KDM6A: variants seen among roughly 807,000 people sequenced by gnomAD.
KDM6A encodes lysine-specific demethylase 6A.
A neutral mutation model predicts 117.6 loss-of-function variants in KDM6A; 11 were observed. The ratio of observed to expected loss-of-function variants is 0.09; its 90% CI spans 0.06 to 0.15. The LOEUF (loss-of-function observed/expected upper bound fraction) is 0.15, where lower values mean the gene tolerates loss of function less well. KDM6A is among the 10% of genes least tolerant of loss of function. KDM6A has a pLI of 1.00. For synonymous variants in KDM6A, 384 were observed against 396.1 expected (o/e 0.97, Z 0.36); for missense variants, 799 against 1,077.3 (o/e 0.74, Z 3.62).
In KDM6A at chrX:45,090,193, TA is replaced by T. The variant is rs199753760; in HGVS notation, c.3892+270del. 0.07 allele frequency among the ~76,000 whole-genome samples: 7,809 copies of T among 111,850 alleles called. 370 individuals carry two copies. The highest frequency in any genetic ancestry group is 0.37 in the East Asian group (1,307 of 3,515). ...AATTTTAGAGTGCTTGGTTTTATTT[TA>T]AAAAAACCCTTATGAGAGAAAACAA... On this transcript the variant is annotated intron_variant, in intron 26 of 29. Transcript: ENST00000611820.
At chrX:45,037,222 G>T (rs909632076) in intron 7 of KDM6A, among the ~76,000 whole-genome samples, 7 of 111,806 alleles carry the variant, frequency 6.3e-5, no homozygotes, top group African/African-American at 2.3e-4. Context: ...TTGTACTTTG[G>T]TTTTAATATT....
intron 4 of KDM6A, among the ~76,000 whole-genome samples, chrX:45,009,278 C>G (rs2041648405): frequency 8.9e-6 from 1 of 112,322 alleles, no homozygotes; most frequent in Non-Finnish European, 1.9e-5. Flanking sequence ...ATTCCCAGAA[C>G]TGAGGGTTCC....
At chrX:44,952,652 T>C (rs1234122225) in intron 2 of KDM6A, among the ~76,000 whole-genome samples, 1 of 112,117 alleles carries the variant, frequency 8.9e-6, no homozygotes, top group Non-Finnish European at 1.9e-5. Context: ...GAGTGACAAA[T>C]GTTTAAGTTC....
At chrX:44,937,888 C>T (rs1205212479) in intron 2 of KDM6A, among the ~76,000 whole-genome samples, 1 of 111,998 alleles carries the variant, frequency 8.9e-6, no homozygotes, top group African/African-American at 3.2e-5. Context: ...GAGACAGAGT[C>T]TCACTTTGTT....
At chrX:45,040,574 G>T (rs2043080279) in intron 8 of KDM6A, among the ~76,000 whole-genome samples, 1 of 74,096 alleles carries the variant, frequency 1.3e-5, no homozygotes, top group South Asian at 7.8e-4. Context: ...GGGGCGGCCG[G>T]GCAGAGGCGC....
chrX:44,969,579 G>A (rs762749173), intron 3 of KDM6A, among the ~76,000 whole-genome samples: 1 of 108,436 alleles, frequency 9.2e-6, no homozygotes, highest in Non-Finnish European at 1.9e-5. Context: ...CACCACGCCC[G>A]GCTAATTTTT....
rs775334041 is a variant in KDM6A at position 45,034,585 on chromosome X, AATG to A, written c.565-343_565-341del. On this transcript the variant is annotated intron_variant, in intron 6 of 29. Transcript: ENST00000611820. The stretch of plus-strand genomic sequence containing the variant: ...GACTTCTACTTGGATTTTCAAAAAT[AATG>A]ATATGTTCTCTAAATATTTAAACTG... 4.5e-5 allele frequency among the ~76,000 whole-genome samples: 5 copies of A among 112,068 alleles called. No individual in the cohort carries two copies. The South Asian group carries it at 1.8e-3, about 41-fold the overall frequency.
intron 3 of KDM6A, among the ~76,000 whole-genome samples, chrX:44,968,056 G>C (rs922804888): frequency 2.7e-5 from 3 of 112,350 alleles, no homozygotes; most frequent in African/African-American, 9.7e-5. Context: ...AACAGCTTTG[G>C]AAGGTGGAGG....
At position 44,963,483 on chromosome X, in the gene KDM6A, G is replaced by GTGTGTGTGTGTGTC. The variant is rs1481840859; in HGVS notation, c.334+2094_334+2095insGTGTGTGTGTCTGT. Among the ~76,000 whole-genome samples, 25 of 40,889 alleles carry GTGTGTGTGTGTGTC rather than the reference G, an allele frequency of 6.1e-4. 1 individual carries two copies. In the East Asian group the frequency reaches 6.9e-3, roughly 11 times the overall value. 35.5% of individuals were successfully genotyped at this position (40,889 alleles called of 115,157 possible). On this transcript the variant is annotated intron_variant, in intron 3 of 29. Transcript: ENST00000611820. ...TGTGTGTGTGTGTGTGTGTGTGTGT[G>GTGTGTGTGTGTGTC]TGTCTGTCTGTCTGTCTCTGTCTGT... is the stretch of plus-strand genomic sequence containing the variant.
At chrX:44,915,230 ACTT>A (rs775244297) in intron 2 of KDM6A, among the ~76,000 whole-genome samples, 2 of 112,051 alleles carry the variant, frequency 1.8e-5, no homozygotes, top group Admixed American at 9.5e-5. Flanking sequence ...TTATGTTGCT[ACTT>A]CTTTTTAAAT....
At chrX:44,917,128 C>T (rs1246860399) in intron 2 of KDM6A, among the ~76,000 whole-genome samples, 5 of 108,835 alleles carry the variant, frequency 4.6e-5, no homozygotes, top group Admixed American at 3.0e-4. Context: ...CAGGTTCAAG[C>T]GATTCTCCTG....
intron 17 of KDM6A, among the ~76,000 whole-genome samples, chrX:45,068,294 T>C (rs1434619768): frequency 9.0e-6 from 1 of 111,004 alleles, no homozygotes; most frequent in African/African-American, 3.3e-5. Flanking sequence ...AATGAAAATA[T>C]TCTTCTTAAA....
intron 8 of KDM6A, among the ~76,000 whole-genome samples, chrX:45,040,276 C>T (rs1205553416): frequency 2.0e-5 from 2 of 99,084 alleles, no homozygotes; most frequent in Non-Finnish European, 4.2e-5. Context: ...GGGGTGCTGA[C>T]CCCCCCACCT....
At chrX:44,894,621 ATTT>A (rs574868704) in intron 2 of KDM6A, among the ~76,000 whole-genome samples, 2 of 99,971 alleles carry the variant, frequency 2.0e-5, no homozygotes, top group Admixed American at 1.1e-4. Flanking sequence ...TAATTAATTA[ATTT>A]TTTTTTTTTT....
rs2045474576 is a variant in KDM6A, at chrX:45,082,797, C to T, written c.3440+8C>T. ...CCTATCTGATGACAAAAAGTAAGTC[C>T]TTGTAGTAATATTTCTGTGAACTGA... On this transcript the variant is annotated splice_region_variant and intron_variant, in intron 23 of 29. Coordinates refer to ENST00000611820, the MANE Select transcript of KDM6A (RefSeq NM_001291415.2). 3.6e-6 allele frequency: 4 copies of T among 1,113,618 alleles called. No individual in the cohort carries two copies. In the East Asian group the frequency reaches 1.2e-4, roughly 33 times the overall value. 91.8% of individuals were successfully genotyped at this position (1,113,618 alleles called of 1,213,427 possible).
intron 2 of KDM6A, among the ~76,000 whole-genome samples, chrX:44,952,853 C>T (rs1167995381): frequency 2.7e-5 from 3 of 110,440 alleles, no homozygotes; most frequent in African/African-American, 6.6e-5. Flanking sequence ...CACAGCTCAC[C>T]GCAGCCACCA....
In KDM6A at chrX:44,885,558, G is replaced by T. The variant is rs73488825; in HGVS notation, c.225+11571G>T. Among the ~76,000 whole-genome samples, 817 of 109,377 alleles carry T rather than the reference G, an allele frequency of 7.5e-3. 13 individuals are homozygous for T. The highest frequency in any genetic ancestry group is 0.026 in the African/African-American group (785 of 30,138). The allele number at this position is 109,377 out of a possible 115,157, so 95.0% of individuals were successfully genotyped here. ...AATTGGAACAATACAGAGAAGAGTA[G>T]TATAGCCAAATATTAAAAAAAAAAA... On this transcript the variant is annotated intron_variant, in intron 2 of 29. Transcript: ENST00000611820.
Position 45,061,318 on chromosome X carries a change from C to T in KDM6A, c.1486-6C>T, listed in dbSNP as rs200654919. 10 of 1,095,601 alleles carry T rather than the reference C, an allele frequency of 9.1e-6. No individual in the cohort carries two copies. In the East Asian group the frequency reaches 3.0e-4, roughly 33 times the overall value. The allele number at this position is 1,095,601 out of a possible 1,213,427, so 90.3% of individuals were successfully genotyped here. A position where few individuals can be genotyped will look rare whatever the true frequency, so the allele number is the denominator to read the frequency against. ...TTAATTTTTTTTTTAAATCGATTTT[C>T]CTCAGAATACTTCTGACAATTGGAG... On this transcript the variant is annotated splice_region_variant and splice_polypyrimidine_tract_variant and intron_variant, in intron 14 of 29. Coordinates refer to ENST00000611820, the MANE Select transcript of KDM6A (RefSeq NM_001291415.2).
At chrX:44,922,054 TTTTTTTTTTTAA>T (rs2035985169) in intron 2 of KDM6A, among the ~76,000 whole-genome samples, 1 of 63,728 alleles carries the variant, frequency 1.6e-5, no homozygotes, top group Non-Finnish European at 3.1e-5. Context: ...TTTTTTTTTT[TTTTTTTTTTTAA>T]GAGACAGAGC....
Sources: gnomAD v4.1 joint callset for allele counts (sites outside exome capture counted in the v4.1 genomes callset) on GRCh38, gnomAD v4.1.1 for gene constraint, MANE v1.5 for transcripts, NCBI Gene and HGNC (gene_info 2026-07-23, HGNC 2026-07-21) for gene names.